The following CTDSPL variants were observed in gnomAD, a reference collection of about 807,000 sequenced individuals.
CTDSPL encodes CTD small phosphatase like.
In CTDSPL, 8 loss-of-function variants were observed where a neutral mutation model predicts 30.5. The ratio of observed to expected loss-of-function variants is 0.26; its 90% confidence interval spans 0.15 to 0.47. The LOEUF is 0.47. Ranked by LOEUF, CTDSPL falls within the 20% of genes least tolerant of loss-of-function variation. The pLI, the probability that CTDSPL is intolerant of heterozygous loss-of-function variation, is 0.99. For missense variants in CTDSPL, 248 were observed against 366.1 expected, an observed-to-expected ratio of 0.68 and a Z score of 2.63; for synonymous variants, 110 against 137.9, an observed-to-expected ratio of 0.80 and a Z score of 1.42.
In CTDSPL at chr3:37,862,347, CG is replaced by C; in HGVS notation, c.79+72del. The C allele has an allele frequency of 7.5e-7, 1 of 1,327,544 alleles. No individual in the cohort carries two copies. The highest frequency in any genetic ancestry group is 9.7e-7 in the Non-Finnish European group (1 of 1,026,452). 82.2% of individuals were successfully genotyped at this position (1,327,544 alleles called of 1,614,324 possible). On this transcript the variant is annotated intron_variant, in intron 1 of 7. Coordinates refer to ENST00000273179, the MANE Select transcript of CTDSPL (RefSeq NM_001008392.2). This position sits in a 1 kb window ranked among gnomAD's most constrained non-coding sequence, Gnocchi z 4.3. ...ACCCCGCGCCGCTGGAGTTCACTGC[CG>C]GGCGCCGGCATGGGCCTGGGGGAGG...
At chr3:37,957,217 G>C (rs1301262228) in intron 3 of CTDSPL, 74 bp downstream of exon 3, 2 of 1,060,124 alleles carry the variant, frequency 1.9e-6, no homozygotes, top group Non-Finnish European at 2.8e-6. Flanking sequence ...CTTATATAAA[G>C]GATTTTTTTT....
chr3:37,898,950 G>A (rs1191546600), intron 1 of CTDSPL, among the ~76,000 whole-genome samples: 1 of 152,148 alleles, frequency 6.6e-6, no homozygotes, highest in East Asian at 1.9e-4. Context: ...CCTGCAACAG[G>A]AAAATGCTTG....
chr3:37,967,068 A>G (rs756083943), intron 4 of CTDSPL, among the ~76,000 whole-genome samples: 2 of 152,252 alleles, frequency 1.3e-5, no homozygotes, highest in African/African-American at 2.4e-5. Flanking sequence ...TAAAATATCC[A>G]GAAGTTTGTG....
chr3:37,954,746 C>T (rs1699150094), intron 2 of CTDSPL: 1 of 152,294 alleles, frequency 6.6e-6, no homozygotes, highest in African/African-American at 2.4e-5. Context: ...ATCACAGCCA[C>T]AACCTGGACC....
rs115190812 is a variant in CTDSPL, at chr3:37,885,674, G to A, written c.79+23396G>A. The stretch of plus-strand genomic sequence containing the variant: ...CTGGCAGGAAAAATGATCTGGAAAC[G>A]AAGAAGAATGCTCTGCAGAAGCTTC... On this transcript the variant is annotated intron_variant, in intron 1 of 7. Coordinates refer to ENST00000273179, the MANE Select transcript of CTDSPL (RefSeq NM_001008392.2). Among the ~76,000 whole-genome samples, 933 of 152,210 alleles carry A rather than the reference G, an allele frequency of 6.1e-3. 5 individuals are homozygous for A. Among genetic ancestry groups the A allele is most frequent in the Middle Eastern group, 0.031 (9 of 294 alleles).
intron 7 of CTDSPL, among the ~76,000 whole-genome samples, chr3:37,976,758 C>A (rs940110289): frequency 3.9e-5 from 6 of 152,132 alleles, no homozygotes; most frequent in Non-Finnish European, 8.8e-5. Context: ...GCTCCCTGGA[C>A]CATGGCAGCT....
intron 1 of CTDSPL, among the ~76,000 whole-genome samples, chr3:37,897,403 A>G (rs1195737577): frequency 6.6e-6 from 1 of 152,160 alleles, no homozygotes; most frequent in Non-Finnish European, 1.5e-5. Context: ...TTTTTTTCCC[A>G]ATTTAAAATG....
chr3:37,935,010 A>C (rs200093766), intron 1 of CTDSPL, among the ~76,000 whole-genome samples: 1 of 152,160 alleles, frequency 6.6e-6, no homozygotes, highest in Admixed American at 6.5e-5. Context: ...GTATGTGTGC[A>C]TGTGCCTGAG....
chr3:37,882,620 A>T (rs1185468339), intron 1 of CTDSPL, among the ~76,000 whole-genome samples: 2 of 151,956 alleles, frequency 1.3e-5, no homozygotes, highest in African/African-American at 2.4e-5. Flanking sequence ...CCGTCTCAAA[A>T]AATAATAATA....
chr3:37,865,867 C>T lies in CTDSPL; in HGVS notation c.79+3589C>T, dbSNP rs1274857785. 1.3e-4 allele frequency among the ~76,000 whole-genome samples: 20 copies of T among 152,182 alleles called. 1 individual carries two copies. Among genetic ancestry groups the T allele is most frequent in the African/African-American group, 4.8e-4 (20 of 41,534 alleles). ...TGATGTTTAATTGGCCAGAACCAGG[C>T]CACATGGCTACCCCTTGCTGCAAAC... is the stretch of plus-strand genomic sequence containing the variant. On this transcript the variant is annotated intron_variant, in intron 1 of 7. Transcript: ENST00000273179.
At chr3:37,893,846 A>G (rs939959350) in intron 1 of CTDSPL, among the ~76,000 whole-genome samples, 8 of 152,178 alleles carry the variant, frequency 5.3e-5, no homozygotes, top group Non-Finnish European at 7.3e-5. Flanking sequence ...AAAATGGGTG[A>G]CAGATTGTTT....
At chr3:37,943,196 C>A (rs1698996882) in intron 1 of CTDSPL, among the ~76,000 whole-genome samples, 2 of 150,150 alleles carry the variant, frequency 1.3e-5, no homozygotes, top group South Asian at 4.3e-4. Context: ...CTGGCCTGGC[C>A]CAAAGACACA....
intron 1 of CTDSPL, among the ~76,000 whole-genome samples, chr3:37,876,100 CAG>C (rs1553680436): frequency 6.6e-6 from 1 of 151,948 alleles, no homozygotes; most frequent in East Asian, 1.9e-4. Context: ...AATAAATTAA[CAG>C]GGCGTGGTGG....
chr3:37,922,999 C>A (rs1698735466), intron 1 of CTDSPL, among the ~76,000 whole-genome samples: 1 of 152,198 alleles, frequency 6.6e-6, no homozygotes, highest in African/African-American at 2.4e-5. Flanking sequence ...GTTACCTTAT[C>A]TTGTGTAACA....
Position 37,884,458 on chromosome 3 carries a change from T to G in CTDSPL, c.79+22180T>G, listed in dbSNP as rs545131204. Among the ~76,000 whole-genome samples the G allele has an allele frequency of 2.0e-5, 3 of 152,378 alleles. No individual in the cohort carries two copies. In the South Asian group the frequency reaches 6.2e-4, roughly 32 times the overall value. ...TGTTGGGTAGTAGTTATTTTCTTTT[T>G]GCTCTTCTGTATTGTTTAAGATGTT... On this transcript the variant is annotated intron_variant, in intron 1 of 7. Transcript: ENST00000273179.
chr3:37,895,896 C>G (rs1228143796), intron 1 of CTDSPL, among the ~76,000 whole-genome samples: 1 of 152,184 alleles, frequency 6.6e-6, no homozygotes, highest in Non-Finnish European at 1.5e-5. Flanking sequence ...TAATAGTGAA[C>G]TGTAGTTAAT....
intron 7 of CTDSPL, among the ~76,000 whole-genome samples, chr3:37,976,399 A>T (rs1057150332): frequency 5.3e-5 from 8 of 152,066 alleles, no homozygotes; most frequent in African/African-American, 1.2e-4. Flanking sequence ...ACCCTTTGGG[A>T]GGCCGAGGCA....
intron 1 of CTDSPL, among the ~76,000 whole-genome samples, chr3:37,900,519 AC>A (rs1458350998): frequency 6.6e-6 from 1 of 152,170 alleles, no homozygotes; most frequent in African/African-American, 2.4e-5. Flanking sequence ...TGTTTGAAAA[AC>A]TTATTTATAA....
chr3:37,973,694 T>A (rs1699393414), intron 6 of CTDSPL, among the ~76,000 whole-genome samples: 1 of 152,262 alleles, frequency 6.6e-6, no homozygotes, highest in Non-Finnish European at 1.5e-5. Flanking sequence ...TTTCAGTATC[T>A]GCTTCATTGT....
Sources: gnomAD v4.1 joint callset for allele counts (sites outside exome capture counted in the v4.1 genomes callset) on GRCh38, gnomAD v4.1.1 for gene constraint, Gnocchi (gnomAD v3.1) non-coding constraint, MANE v1.5 for transcripts, NCBI Gene and HGNC (gene_info 2026-07-23, HGNC 2026-07-21) for gene names.